Variants in CLK1 observed in about 807,000 individuals in gnomAD.
The protein encoded by CLK1 is dual specificity protein kinase CLK1.
Under a neutral mutation model 60.9 loss-of-function variants are expected in CLK1, and 40 were observed. The ratio of observed to expected loss-of-function variants is 0.66; its 90% CI spans 0.51 to 0.86. The LOEUF (loss-of-function observed/expected upper bound fraction) is 0.86, where lower values mean the gene tolerates loss of function less well. CLK1 is among the 40% of genes least tolerant of loss of function. The pLI is 0.00. For missense variants in CLK1, 563 were observed against 606.1 expected (o/e 0.93, Z 0.75); for synonymous variants, 203 against 184.4 (o/e 1.10, Z -0.82).
At chr2:200,854,904 A>T in intron 10 of CLK1, 100 bp downstream of exon 10, 1 of 899,768 alleles carries the variant, frequency 1.1e-6, no homozygotes, top group Non-Finnish European at 1.8e-6. Flanking sequence ...ATGCTTATCT[A>T]CAATTAATAG....
At chr2:200,863,282 G>C (rs1321489603) in intron 1 of CLK1, 1 of 152,078 alleles carries the variant, frequency 6.6e-6, no homozygotes, top group Non-Finnish European at 1.5e-5. Flanking sequence ...AATTGGGTCG[G>C]GGGCCGTGGC....
rs1406177424 is a variant in CLK1, at chr2:200,853,933, T to C, written c.1281A>G (p.Arg427=). 3.7e-6 allele frequency: 6 copies of C among 1,612,632 alleles called. No homozygotes were observed. Among genetic ancestry groups the C allele is most frequent in the Non-Finnish European group, 4.2e-6 (5 of 1,179,364 alleles). Residue 427 remains arginine, a synonymous_variant, in exon 12 of 13, where the codon AGA becomes AGG. Coordinates refer to ENST00000321356, the MANE Select transcript of CLK1 (RefSeq NM_004071.4). ...GAGGTTTACAGCGTCTTGAAACATA[T>C]CTGCCGGCAGAACTGTGTTCATCCC... is the stretch of plus-strand genomic sequence containing the variant. ...LDWDEHSSAG[R]YVSRRCKPLK...
Position 200,855,014 on chromosome 2 carries a change from G to A in CLK1, c.1130C>T (p.Thr377Ile). 6.2e-7 allele frequency: 1 copy of A among 1,611,312 alleles called. No individual in the cohort carries two copies. Among genetic ancestry groups the A allele is most frequent in the Non-Finnish European group, 8.5e-7 (1 of 1,178,728 alleles). The change falls in exon 10 of 13, where the codon ACC (threonine) becomes ATC (isoleucine). Residue 377 changes from threonine to isoleucine, a missense_variant. Around this residue, in one of 3 missense-constraint regions of CLK1, gnomAD observed 360 missense variants for 407.0 expected, o/e 0.88. Transcript: ENST00000321356. Reference sequence around the variant, plus strand: ...ATCATTGTCACTTACTGGAAATACGGTAAACCCAAGATAGTATTCAATAAG... The same window carrying A: ...ATCATTGTCACTTACTGGAAATACGATAAACCCAAGATAGTATTCAATAAG... ...CILIEYYLGFTVFPTHDSKEH... is the reference protein window; with the variant it reads ...CILIEYYLGFIVFPTHDSKEH...
In CLK1 at chr2:200,853,949, T is replaced by C. The variant is rs1307846602; in HGVS notation, c.1265A>G (p.His422Arg). 1.9e-6 allele frequency: 3 copies of C among 1,612,574 alleles called. No homozygotes were observed. Among genetic ancestry groups the C allele is most frequent in the Non-Finnish European group, 2.5e-6 (3 of 1,179,266 alleles). Residue 422 changes from histidine to arginine, a missense_variant, in exon 12 of 13, where the codon CAC (histidine) becomes CGC (arginine). His to Arg is a conservative substitution (Grantham distance 29). Around this residue, in one of 3 missense-constraint regions of CLK1, gnomAD observed 360 missense variants for 407.0 expected, o/e 0.88. Transcript: ENST00000321356. ...FHHDRLDWDE[H>R]SSAGRYVSRR... ...TGAAACATATCTGCCGGCAGAACTGTGTTCATCCCAGTCTAATCGATCGTG... is the reference window on the plus strand; with the variant it reads ...TGAAACATATCTGCCGGCAGAACTGCGTTCATCCCAGTCTAATCGATCGTG...
chr2:200,855,170 A>T lies in CLK1; in HGVS notation c.1058-84T>A, dbSNP rs557132334. On this transcript the variant is annotated intron_variant, in intron 9 of 12. Coordinates refer to ENST00000321356, the MANE Select transcript of CLK1 (RefSeq NM_004071.4). Reference sequence around the variant, plus strand: ...AAAAGTTAGTTAACACTAATACTTTAAAAAAAAAAACACATGTAATGTAGG... The same window carrying T: ...AAAAGTTAGTTAACACTAATACTTTTAAAAAAAAAACACATGTAATGTAGG... 8.5e-4 allele frequency: 629 copies of T among 743,584 alleles called. 2 individuals are homozygous for T. In the African/African-American group the frequency reaches 0.01, roughly 12 times the overall value. The allele number at this position is 743,584 out of a possible 1,614,324, so 46.1% of individuals were successfully genotyped here.
intron 5 of CLK1, among the ~76,000 whole-genome samples, chr2:200,858,978 C>T (rs1298753873): frequency 3.3e-5 from 5 of 152,110 alleles, no homozygotes; most frequent in African/African-American, 1.2e-4. Flanking sequence ...AGTTCGAGAC[C>T]AGCCTGGCCA....
rs758189196 is a variant in CLK1, at chr2:200,856,907, G to C, written c.911C>G (p.Ala304Gly). 4.3e-6 allele frequency: 7 copies of C among 1,613,816 alleles called. No homozygotes were observed. Among genetic ancestry groups the C allele is most frequent in the Non-Finnish European group, 5.9e-6 (7 of 1,179,842 alleles). ...AAGACTTACTATTTTGGGATTATAC[G>C]CCTCTGTGTAGTCAGACTGCACAAA... is the stretch of plus-strand genomic sequence containing the variant. Reference protein sequence around the residue: ...ILFVQSDYTEAYNPKIKRDER... With the variant: ...ILFVQSDYTEGYNPKIKRDER... Residue 304 changes from alanine (A) to glycine (G), a missense_variant, in exon 8 of 13, where the codon GCG becomes GGG. Physicochemically the swap from Ala to Gly is moderately conservative, Grantham distance 60 (BLOSUM62 0). Transcript: ENST00000321356.
chr2:200,864,017 A>T, intron 1 of CLK1: 1 of 1,431,962 alleles, frequency 7.0e-7, no homozygotes, highest in Non-Finnish European at 9.3e-7. Context: ...CTGAGGACAA[A>T]GCCACTCGCG....
intron 1 of CLK1, among the ~76,000 whole-genome samples, chr2:200,863,568 A>G (rs550245223): frequency 4.8e-4 from 72 of 150,504 alleles, no homozygotes; most frequent in Middle Eastern, 7.2e-3. Flanking sequence ...CAAAAAAGAA[A>G]AAAAGGAGGC....
chr2:200,859,169 G>A (rs1253516739), intron 5 of CLK1, among the ~76,000 whole-genome samples: 6 of 151,966 alleles, frequency 3.9e-5, no homozygotes, highest in Admixed American at 3.3e-4. Flanking sequence ...GTGACAGAGC[G>A]AGACTCTGTC....
intron 3 of CLK1, chr2:200,860,752 T>C (rs943078718): frequency 2.0e-6 from 2 of 1,002,612 alleles, no homozygotes; most frequent in East Asian, 1.0e-4. Flanking sequence ...TGAGCTGATC[T>C]CCATACTAAT....
At position 200,853,453 on chromosome 2, in the gene CLK1, G is replaced by C. The variant is rs781582733; in HGVS notation, c.1312-4C>G. ...CATCTTGAGAAAGCATAAATTCCTG[G>C]AAGAAAAAAAGAAATTCATTCAACA... is the stretch of plus-strand genomic sequence containing the variant. On this transcript the variant is annotated splice_region_variant and splice_polypyrimidine_tract_variant and intron_variant, in intron 12 of 12. Coordinates refer to ENST00000321356, the MANE Select transcript of CLK1 (RefSeq NM_004071.4). 13 of 1,596,830 alleles carry C rather than the reference G, an allele frequency of 8.1e-6. No homozygotes were observed. The highest frequency in any genetic ancestry group is 3.6e-5 in the Admixed American group (2 of 55,130).
chr2:200,854,063 T>G, intron 11 of CLK1, 70 bp from the exon 12 acceptor site: 1 of 971,318 alleles, frequency 1.0e-6, no homozygotes, highest in Non-Finnish European at 1.6e-6. Context: ...AAGGTATCAA[T>G]TACTATGCTT....
chr2:200,863,583 C>T (rs1276875596), intron 1 of CLK1, among the ~76,000 whole-genome samples: 5 of 149,824 alleles, frequency 3.3e-5, no homozygotes, highest in Non-Finnish European at 7.4e-5. Context: ...GGAGGCTGGG[C>T]GCAGTGGCTC....
chr2:200,854,006 C>A lies in CLK1; in HGVS notation c.1221-13G>T. 1 of 1,575,696 alleles carries A rather than the reference C, an allele frequency of 6.3e-7. No homozygotes were observed. The highest frequency in any genetic ancestry group is 1.1e-5 in the South Asian group (1 of 89,534). ...ATATTTACGTTTCCTAAAAATAAGT[C>A]AATATCCATTCATGTTTATAACACT... On this transcript the variant is annotated splice_polypyrimidine_tract_variant and intron_variant, in intron 11 of 12. Coordinates refer to ENST00000321356, the MANE Select transcript of CLK1 (RefSeq NM_004071.4).
intron 1 of CLK1, 68 bp from the exon 2 acceptor site, chr2:200,861,930 A>C (rs2039145860): frequency 1.3e-5 from 18 of 1,414,512 alleles, no homozygotes; most frequent in Non-Finnish European, 1.8e-5. Context: ...ATTCGTAATT[A>C]CAAAGGTCCC....
intron 9 of CLK1, 123 bp from the exon 10 acceptor site, chr2:200,855,209 C>T: frequency 1.5e-6 from 1 of 676,100 alleles, no homozygotes; most frequent in Non-Finnish European, 2.5e-6. Context: ...GGCACAGTGG[C>T]TCACACCTGT....
At chr2:200,854,273 C>T (rs1487628750) in intron 11 of CLK1, 13 of 337,502 alleles carry the variant, frequency 3.9e-5, no homozygotes, top group East Asian at 6.6e-5. Context: ...CGGTGGCTCA[C>T]GCCTGTAATC....
chr2:200,854,410 C>T lies in CLK1; in HGVS notation c.1220+206G>A, dbSNP rs2039005451. 2.0e-5 allele frequency among the ~76,000 whole-genome samples: 3 copies of T among 151,684 alleles called. No homozygotes were observed. The South Asian group carries it at 6.3e-4, about 32-fold the overall frequency. On this transcript the variant is annotated intron_variant, in intron 11 of 12. Coordinates refer to ENST00000321356, the MANE Select transcript of CLK1 (RefSeq NM_004071.4). Reference sequence around the variant, plus strand: ...AATTAGGCGGGCGTGGTGGCGAGTGCCTGTAGTCCCAGCTACTCGGGAGGC... The same window carrying T: ...AATTAGGCGGGCGTGGTGGCGAGTGTCTGTAGTCCCAGCTACTCGGGAGGC...
Sources: allele counts gnomAD v4.1 joint callset (sites outside exome capture counted in the v4.1 genomes callset), GRCh38; gene constraint gnomAD v4.1.1; regional missense constraint gnomAD v4.1.1; transcripts MANE v1.5; gene names NCBI Gene and HGNC (gene_info 2026-07-23, HGNC 2026-07-21).